The following DNAJC2 variants were observed in gnomAD, a reference collection of about 807,000 sequenced individuals.
The protein encoded by DNAJC2 is DnaJ heat shock protein family (Hsp40) member C2.
DNAJC2 carries 32 observed loss-of-function variants against 94.0 expected under a neutral mutation model. The observed-to-expected ratio is 0.34, with a 90% CI of 0.26 to 0.46. The LOEUF (loss-of-function observed/expected upper bound fraction) is 0.46, where lower values mean the gene tolerates loss of function less well. Ranked by LOEUF, DNAJC2 falls within the 20% of genes least tolerant of loss-of-function variation. The pLI is 1.00. For missense variants in DNAJC2, 550 were observed against 719.5 expected, an observed-to-expected ratio of 0.76 and a Z score of 2.69; for synonymous variants, 210 against 229.7, an observed-to-expected ratio of 0.91 and a Z score of 0.77.
chr7:103,337,892 G>T, intron 2 of DNAJC2, 81 bp from the exon 3 acceptor site: 3 of 994,306 alleles, frequency 3.0e-6, no homozygotes, highest in Non-Finnish European at 3.1e-6. Flanking sequence ...ACCTTAATAA[G>T]CATTTCCCAA....
intron 15 of DNAJC2, chr7:103,313,747 T>A: frequency 3.0e-6 from 3 of 985,356 alleles, no homozygotes; most frequent in Non-Finnish European, 3.6e-6. Flanking sequence ...ACCTTGTATA[T>A]TTCAGAAAAC....
chr7:103,335,097 G>A (rs1225846450), intron 3 of DNAJC2: 4 of 152,202 alleles, frequency 2.6e-5, no homozygotes, highest in Non-Finnish European at 5.9e-5. Context: ...GCCTCCCAAA[G>A]TGCTAGGATT....
At position 103,316,811 on chromosome 7, in the gene DNAJC2, G is replaced by T; in HGVS notation, c.1427+19C>A. On this transcript the variant is annotated intron_variant, in intron 13 of 16. Coordinates refer to ENST00000379263, the MANE Select transcript of DNAJC2 (RefSeq NM_014377.3). ...AGGCTCCAGTGTGAGTTGAAGAAAA[G>T]TTTCATTAAAACCAGTACCTTGAAT... 1 of 1,605,496 alleles carries T rather than the reference G, an allele frequency of 6.2e-7. No individual in the cohort carries two copies.
At chr7:103,336,266 C>A (rs1242000814) in intron 3 of DNAJC2, 8 of 152,258 alleles carry the variant, frequency 5.3e-5, no homozygotes, top group Admixed American at 5.2e-4. Context: ...CACCTTAAAA[C>A]ACAAACTATT....
rs1201062250 is a variant in DNAJC2 at position 103,324,806 on chromosome 7, A to G, written c.573-244T>C. On this transcript the variant is annotated intron_variant, in intron 5 of 16. Coordinates refer to ENST00000379263, the MANE Select transcript of DNAJC2 (RefSeq NM_014377.3). ...AGAGAAACAACGGGACAGACTTCTA[A>G]TCACAGGTTATCTTCAGTTCTATAA... The G allele has an allele frequency of 1.5e-5, 4 of 258,286 alleles. No individual in the cohort carries two copies. The South Asian group carries it at 2.6e-4, about 17-fold the overall frequency. 16.0% of individuals were successfully genotyped at this position (258,286 alleles called of 1,614,324 possible).
rs116799108 is a variant in DNAJC2 at position 103,315,707 on chromosome 7, T to A, written c.1636+57A>T. 985 of 1,186,708 alleles carry A rather than the reference T, an allele frequency of 8.3e-4. 5 individuals are homozygous for A. The African/African-American group carries it at 0.014, about 17-fold the overall frequency. The allele number at this position is 1,186,708 out of a possible 1,614,324, so 73.5% of individuals were successfully genotyped here. On this transcript the variant is annotated intron_variant, in intron 15 of 16. Transcript: ENST00000379263. ...GAACATAGACCCTAAGTCTTGTACG[T>A]CCAAGCAGCACAGATACATGGCTAG... is the stretch of plus-strand genomic sequence containing the variant.
rs752717085 is a variant in DNAJC2, at chr7:103,319,572, G to A, written c.1242+37C>T. 46 of 1,592,274 alleles carry A rather than the reference G, an allele frequency of 2.9e-5. No homozygotes were observed. In the South Asian group the frequency reaches 4.7e-4, roughly 16 times the overall value. On this transcript the variant is annotated intron_variant, in intron 12 of 16. Transcript: ENST00000379263. ...GAAACAGGTCAAAGCAGAATTAAAT[G>A]CTACATATAGGTAGGAGTGATGTGT...
intron 13 of DNAJC2, chr7:103,316,564 A>C (rs762426759): frequency 1.4e-4 from 59 of 413,900 alleles, no homozygotes; most frequent in Non-Finnish European, 2.4e-4. Context: ...GCCATGACAG[A>C]GTAAGCCAAC....
intron 4 of DNAJC2, among the ~76,000 whole-genome samples, chr7:103,327,052 GTAAA>G (rs1413722736): frequency 6.6e-6 from 1 of 152,190 alleles, no homozygotes; most frequent in East Asian, 1.9e-4. Flanking sequence ...CTGGCAAAGA[GTAAA>G]TATGAACGGT....
chr7:103,341,892 T>C lies in DNAJC2; in HGVS notation c.127A>G (p.Asn43Asp). The C allele has an allele frequency of 6.2e-7, 1 of 1,613,234 alleles. No homozygotes were observed. The highest frequency in any genetic ancestry group is 8.5e-7 in the Non-Finnish European group (1 of 1,179,754). ...TGAAAAGAGGCAGAAGCATTTCTGT[T>C]TCTCCTCTTAACAAAAGCTTCAAAC... ...RWFEAFVKRR[N>D]RNASASFQEL... is the part of the protein sequence containing the mutation. Residue 43 changes from asparagine (N) to aspartate (D), a missense_variant, in exon 2 of 17, where the codon AAC becomes GAC. Around this residue, in one of 2 missense-constraint regions of DNAJC2, gnomAD observed 279 missense variants for 416.9 expected, o/e 0.67. Coordinates refer to ENST00000379263, the MANE Select transcript of DNAJC2 (RefSeq NM_014377.3).
intron 1 of DNAJC2, 175 bp downstream of exon 1, chr7:103,344,384 A>C: frequency 1.5e-6 from 1 of 654,392 alleles, no homozygotes; most frequent in Non-Finnish European, 2.6e-6. Flanking sequence ...CCTTCCTTCT[A>C]ATCTAGGGTA....
At chr7:103,323,433 A>G (rs1818529972) in intron 7 of DNAJC2, among the ~76,000 whole-genome samples, 165 bp downstream of exon 7, 1 of 152,216 alleles carries the variant, frequency 6.6e-6, no homozygotes, top group African/African-American at 2.4e-5. Flanking sequence ...ATCTGGGCCC[A>G]CCTAGTTTAA....
In DNAJC2 at chr7:103,312,988, C is replaced by G; in HGVS notation, c.1750G>C (p.Val584Leu). 6.2e-7 allele frequency: 1 copy of G among 1,614,044 alleles called. No homozygotes were observed. The highest frequency in any genetic ancestry group is 8.5e-7 in the Non-Finnish European group (1 of 1,179,950). ...PERWEKIAEA[V>L]PGRTKKDCMK... is the part of the protein sequence containing the mutation. ...CAGTCCTTCTTTGTCCTGCCAGGCA[C>G]CGCTTCTGCTATTTTTTCCCATCTT... is the stretch of plus-strand genomic sequence containing the variant. Residue 584 changes from valine (V) to leucine (L), a missense_variant, in exon 16 of 17, where the codon GTG becomes CTG. Around this residue, in one of 2 missense-constraint regions of DNAJC2, gnomAD observed 271 missense variants for 302.6 expected, o/e 0.90. Transcript: ENST00000379263.
At chr7:103,325,393 T>G (rs1223130617) in intron 5 of DNAJC2, among the ~76,000 whole-genome samples, 1 of 151,320 alleles carries the variant, frequency 6.6e-6, no homozygotes, top group African/African-American at 2.4e-5. Context: ...GCCGAGATTG[T>G]GCCACTGCAC....
At position 103,326,547 on chromosome 7, in the gene DNAJC2, A is replaced by T; in HGVS notation, c.568T>A (p.Ser190Thr). 6.2e-7 allele frequency: 1 copy of T among 1,613,938 alleles called. No homozygotes were observed. Among genetic ancestry groups the T allele is most frequent in the Non-Finnish European group, 8.5e-7 (1 of 1,179,938 alleles). ...AAAAGGGATGCCTTAACTTACCTGG[A>T]ATTCCTTTCAAACACTGGGGTAAAC... ...EVFTPVFERNSRWSNKKNVPK... is the reference protein window; with the variant it reads ...EVFTPVFERNTRWSNKKNVPK... Residue 190 changes from serine to threonine, a missense_variant, in exon 5 of 17, where the codon TCC becomes ACC. This residue lies in a region of DNAJC2 where 279 missense variants were observed against 416.9 expected (regional missense o/e 0.67). Coordinates refer to ENST00000379263, the MANE Select transcript of DNAJC2 (RefSeq NM_014377.3).
At chr7:103,326,433 G>T in intron 5 of DNAJC2, 110 bp downstream of exon 5, 1 of 1,112,986 alleles carries the variant, frequency 9.0e-7, no homozygotes, top group Non-Finnish European at 1.3e-6. Context: ...AAGAGACAGT[G>T]GAAATAATCT....
At chr7:103,342,238 T>C (rs1436175079) in intron 1 of DNAJC2, among the ~76,000 whole-genome samples, 1 of 152,038 alleles carries the variant, frequency 6.6e-6, no homozygotes, top group Non-Finnish European at 1.5e-5. Flanking sequence ...TTTGGGGATA[T>C]GAGTAAGGTG....
At chr7:103,317,693 C>T (rs921085410) in intron 12 of DNAJC2, among the ~76,000 whole-genome samples, 2 of 152,212 alleles carry the variant, frequency 1.3e-5, no homozygotes, top group Admixed American at 6.5e-5. Flanking sequence ...CTCTGTCGCC[C>T]AGGCTGGAGT....
At chr7:103,325,368 C>T (rs992627263) in intron 5 of DNAJC2, among the ~76,000 whole-genome samples, 10 of 151,284 alleles carry the variant, frequency 6.6e-5, no homozygotes, top group African/African-American at 2.4e-4. Context: ...ACCTGGGAGG[C>T]AGAGGTTGCG....
Sources: allele counts gnomAD v4.1 joint callset (sites outside exome capture counted in the v4.1 genomes callset), GRCh38; gene constraint gnomAD v4.1.1; regional missense constraint gnomAD v4.1.1; transcripts MANE v1.5; gene names NCBI Gene and HGNC (gene_info 2026-07-23, HGNC 2026-07-21).